The following GRB14 variants were observed in gnomAD, a reference collection of about 807,000 sequenced individuals.
GRB14 encodes growth factor receptor bound protein 14.
GRB14 carries 38 observed loss-of-function variants against 69.1 expected under a neutral mutation model. The ratio of observed to expected loss-of-function variants is 0.55; its 90% confidence interval spans 0.42 to 0.72. GRB14 has a LOEUF of 0.72. GRB14 is among the 30% of genes least tolerant of loss of function. The pLI, the probability that GRB14 is intolerant of heterozygous loss-of-function variation, is 0.00. For synonymous variants in GRB14, 247 were observed against 241.3 expected, an observed-to-expected ratio of 1.02 and a Z score of -0.22; for missense variants, 666 against 666.1, an observed-to-expected ratio of 1.00 and a Z score of 0.00.
Position 164,547,555 on chromosome 2 carries a change from G to A in GRB14, c.481+105C>T. 4.4e-6 allele frequency: 4 copies of A among 910,392 alleles called. No individual in the cohort carries two copies. The South Asian group carries it at 6.4e-5, about 15-fold the overall frequency. The allele number at this position is 910,392 out of a possible 1,614,324, so 56.4% of individuals were successfully genotyped here. A position where few individuals can be genotyped will look rare whatever the true frequency, so the allele number is the denominator to read the frequency against. On this transcript the variant is annotated intron_variant, in intron 3 of 13. Transcript: ENST00000263915. ...GAACTGGGATCACCTACAAGATATA[G>A]AAAATTATCTCAAAACACCAAATCT...
chr2:164,614,973 T>G (rs759303103), intron 2 of GRB14, among the ~76,000 whole-genome samples: 39 of 152,308 alleles, frequency 2.6e-4, no homozygotes, highest in Non-Finnish European at 4.3e-4. Flanking sequence ...ACTAATTTTT[T>G]AATTATTTGA....
At chr2:164,592,179 G>C (rs934030548) in intron 2 of GRB14, among the ~76,000 whole-genome samples, 14 of 151,830 alleles carry the variant, frequency 9.2e-5, no homozygotes, top group African/African-American at 2.7e-4. Context: ...CTGTCTCCCA[G>C]GCTGGAGTGC....
chr2:164,543,657 C>T (rs539741126), intron 3 of GRB14, among the ~76,000 whole-genome samples: 13 of 152,044 alleles, frequency 8.6e-5, no homozygotes, highest in South Asian at 6.3e-4. Flanking sequence ...AAGATGTCAG[C>T]GGTTTATTCT....
chr2:164,598,030 G>A (rs1470336484), intron 2 of GRB14, among the ~76,000 whole-genome samples: 2 of 151,850 alleles, frequency 1.3e-5, no homozygotes, highest in East Asian at 3.9e-4. Flanking sequence ...CCAAGCAGAG[G>A]ACATTCTCTC....
At chr2:164,609,049 C>T (rs897355022) in intron 2 of GRB14, among the ~76,000 whole-genome samples, 2 of 152,156 alleles carry the variant, frequency 1.3e-5, no homozygotes, top group Non-Finnish European at 2.9e-5. Flanking sequence ...ACCAATTTAT[C>T]TTGAAAACTT....
chr2:164,554,102 A>G (rs1197749040), intron 2 of GRB14, among the ~76,000 whole-genome samples: 1 of 152,158 alleles, frequency 6.6e-6, no homozygotes, highest in Non-Finnish European at 1.5e-5. Context: ...CTGCATGACT[A>G]TATGGGTTAA....
At chr2:164,593,221 G>A (rs755640021) in intron 2 of GRB14, among the ~76,000 whole-genome samples, 1 of 152,100 alleles carries the variant, frequency 6.6e-6, no homozygotes, top group Non-Finnish European at 1.5e-5. Flanking sequence ...GAGGTGACAC[G>A]TGCTGATAAA....
At position 164,613,235 on chromosome 2, in the gene GRB14, A is replaced by G. The variant is rs891719913; in HGVS notation, c.324+6452T>C. Among the ~76,000 whole-genome samples, 16 of 152,298 alleles carry G rather than the reference A, an allele frequency of 1.1e-4. 1 individual carries two copies. The highest frequency in any genetic ancestry group is 2.0e-4 in the Admixed American group (3 of 15,300). On this transcript the variant is annotated intron_variant, in intron 2 of 13. Transcript: ENST00000263915. ...TTGGTGGATCATCATATATCATACA[A>G]ATATGATTAGAATTAGTTTTTGTGT...
intron 8 of GRB14, among the ~76,000 whole-genome samples, chr2:164,503,169 T>TAAAAAAAAAAAAAAAAAAAA (rs3086552): frequency 7.9e-6 from 1 of 126,600 alleles, no homozygotes. Flanking sequence ...GCTACTTTGT[T>TAAAAAAAAAAAAAAAAAAAA]AAAAAAAAAA....
At chr2:164,572,854 C>T (rs1689155759) in intron 2 of GRB14, among the ~76,000 whole-genome samples, 1 of 152,108 alleles carries the variant, frequency 6.6e-6, no homozygotes, top group Admixed American at 6.5e-5. Context: ...AATATCAAGT[C>T]CTACAAATAC....
intron 2 of GRB14, among the ~76,000 whole-genome samples, chr2:164,580,802 C>A (rs992669749): frequency 6.6e-6 from 1 of 152,100 alleles, no homozygotes; most frequent in African/African-American, 2.4e-5. Flanking sequence ...TCTTTTGTAA[C>A]TCAGCACCCA....
chr2:164,541,586 C>T (rs867112755), intron 3 of GRB14, among the ~76,000 whole-genome samples: 1 of 151,608 alleles, frequency 6.6e-6, no homozygotes, highest in African/African-American at 2.4e-5. Context: ...CTGCACTCCA[C>T]CTCAGGCAAA....
At chr2:164,523,122 C>T (rs1687677417) in intron 5 of GRB14, among the ~76,000 whole-genome samples, 1 of 151,982 alleles carries the variant, frequency 6.6e-6, no homozygotes, top group Admixed American at 6.6e-5. Flanking sequence ...AAACGACATG[C>T]AGTCAAAAAA....
rs540816598 is a variant in GRB14, at chr2:164,512,208, C to T, written c.817-3356G>A. Among the ~76,000 whole-genome samples, 5 of 152,232 alleles carry T rather than the reference C, an allele frequency of 3.3e-5. No homozygotes were observed. The East Asian group carries it at 9.7e-4, about 29-fold the overall frequency. ...TGAGACAGAGTTTCACTCTTGTTGC[C>T]CAGGCTGGAGGGCAATGGCGTGATC... is the stretch of plus-strand genomic sequence containing the variant. On this transcript the variant is annotated intron_variant, in intron 6 of 13. Coordinates refer to ENST00000263915, the MANE Select transcript of GRB14 (RefSeq NM_004490.3).
chr2:164,538,365 A>T (rs1269786612), intron 3 of GRB14, among the ~76,000 whole-genome samples: 1 of 152,150 alleles, frequency 6.6e-6, no homozygotes, highest in African/African-American at 2.4e-5. Context: ...GTTTCAGAGG[A>T]CTTGAAGCTA....
chr2:164,514,861 C>CTGTT (rs1222675331), intron 6 of GRB14, among the ~76,000 whole-genome samples: 11 of 152,176 alleles, frequency 7.2e-5, no homozygotes, highest in Non-Finnish European at 8.8e-5. Context: ...ATACTCAGTG[C>CTGTT]TGTTGGCGGG....
chr2:164,603,211 C>G (rs991815167), intron 2 of GRB14, among the ~76,000 whole-genome samples: 6 of 151,396 alleles, frequency 4.0e-5, no homozygotes, highest in African/African-American at 1.2e-4. Context: ...GAACTTAATA[C>G]ATGATGAAAA....
At chr2:164,509,792 G>GA (rs10675642) in intron 6 of GRB14, among the ~76,000 whole-genome samples, 47,523 of 86,088 alleles carry the variant, frequency 0.55, 12,425 homozygotes, top group Middle Eastern at 0.63. Context: ...AGAAGCAGTG[G>GA]AAAAAAAAAA....
At chr2:164,558,538 C>T (rs1005944367) in intron 2 of GRB14, among the ~76,000 whole-genome samples, 3 of 152,182 alleles carry the variant, frequency 2.0e-5, no homozygotes, top group Non-Finnish European at 4.4e-5. Flanking sequence ...GCTGTGTTCT[C>T]TGAAGTTTCA....
Sources: gnomAD v4.1 joint callset for allele counts (sites outside exome capture counted in the v4.1 genomes callset) on GRCh38, gnomAD v4.1.1 for gene constraint, MANE v1.5 for transcripts, NCBI Gene and HGNC (gene_info 2026-07-23, HGNC 2026-07-21) for gene names.